Variants in THAP5 observed in about 807,000 individuals in gnomAD.
The protein encoded by THAP5 is THAP domain-containing protein 5.
Under a neutral mutation model 34.0 loss-of-function variants are expected in THAP5, and 26 were observed. The observed-to-expected ratio is 0.77, with a 90% CI of 0.56 to 1.06. THAP5 has a LOEUF of 1.06. Among genes scored for constraint, THAP5 ranks in the 50% least tolerant of loss-of-function variants. The pLI, the probability that THAP5 is intolerant of heterozygous loss-of-function variation, is 0.00. For missense variants in THAP5, 394 were observed against 452.8 expected (o/e 0.87, Z 1.18); for synonymous variants, 125 against 153.0 (o/e 0.82, Z 1.35).
At chr7:108,566,858 A>G (rs1790497727) in intron 1 of THAP5, among the ~76,000 whole-genome samples, 1 of 152,222 alleles carries the variant, frequency 6.6e-6, no homozygotes, top group South Asian at 2.1e-4. Context: ...TTTTCCTATC[A>G]ATCTAAAAAG....
At chr7:108,555,707 T>C (rs1246633453) in intron 1 of THAP5, among the ~76,000 whole-genome samples, 20 of 149,200 alleles carry the variant, frequency 1.3e-4, no homozygotes, top group Non-Finnish European at 2.4e-4. Context: ...TTTTTCTTTT[T>C]TTTTTTTTTT....
At chr7:108,556,645 C>G (rs1864387778) in intron 1 of THAP5, among the ~76,000 whole-genome samples, 1 of 152,222 alleles carries the variant, frequency 6.6e-6, no homozygotes, top group Non-Finnish European at 1.5e-5. Context: ...CCCTGTGACT[C>G]TACAGGGTAA....
At chr7:108,549,585 A>G (rs778572967), downstream of THAP5, among the ~76,000 whole-genome samples, 1 of 152,190 alleles carries the variant, frequency 6.6e-6, no homozygotes, top group Non-Finnish European at 1.5e-5. Context: ...TATCTTCCCA[A>G]TATACATTGT....
intron 1 of THAP5, among the ~76,000 whole-genome samples, chr7:108,566,318 A>G (rs1004913370): frequency 1.3e-5 from 2 of 152,134 alleles, no homozygotes; most frequent in Admixed American, 6.5e-5. Context: ...GACAAAATCT[A>G]TTTGTATTTT....
At chr7:108,541,994 G>C in the THAP5 span, among the ~76,000 whole-genome samples, 1 of 152,126 alleles carries the variant, frequency 6.6e-6, no homozygotes, top group Admixed American at 6.5e-5. Context: ...TAATCTGACA[G>C]TCCTGTTCAT....
chr7:108,558,381 G>GTATATATATATATATATATA (rs66806128), downstream of THAP5, among the ~76,000 whole-genome samples: 75 of 93,806 alleles, frequency 8.0e-4, no homozygotes, highest in African/African-American at 1.6e-3. Flanking sequence ...GTGTGTGTAT[G>GTATATATATATATATATATA]TATATATATA....
At chr7:108,544,530 CA>C in the THAP5 span, among the ~76,000 whole-genome samples, 9 of 135,598 alleles carry the variant, frequency 6.6e-5, no homozygotes, top group African/African-American at 8.2e-5. Flanking sequence ...GACTCCATCT[CA>C]AAAAAAAAAC....
At chr7:108,552,245 T>C (rs1300453121), downstream of THAP5, among the ~76,000 whole-genome samples, 1 of 152,202 alleles carries the variant, frequency 6.6e-6, no homozygotes, top group Admixed American at 6.5e-5. Context: ...CGCTTCTTAA[T>C]AAACTTTAAC....
At position 108,562,580 on chromosome 7, in the gene THAP5, G is replaced by A. The variant is rs1385663854; in HGVS notation, c.*1611C>T. 6.6e-6 allele frequency: 1 copy of A among 152,128 alleles called. No individual in the cohort carries two copies. The highest frequency in any genetic ancestry group is 2.4e-5 in the African/African-American group (1 of 41,424). The allele number at this position is 152,128 out of a possible 1,614,324, so 9.4% of individuals were successfully genotyped here. A position where few individuals can be genotyped will look rare whatever the true frequency, so the allele number is the denominator to read the frequency against. Reference sequence around the variant, plus strand: ...ATATTCCAGAACCAAAAACATGTTTGTTCCTTACAAAATTCTCAAAGCCAC... The same window carrying A: ...ATATTCCAGAACCAAAAACATGTTTATTCCTTACAAAATTCTCAAAGCCAC... On this transcript the variant is annotated 3_prime_UTR_variant, in exon 3 of 3. Coordinates refer to ENST00000415914, the MANE Select transcript of THAP5 (RefSeq NM_001130475.3).
Position 108,564,496 on chromosome 7 carries a change from T to C in THAP5, c.883A>G (p.Thr295Ala). 6.2e-7 allele frequency: 1 copy of C among 1,613,984 alleles called. No individual in the cohort carries two copies. Among genetic ancestry groups the C allele is most frequent in the Non-Finnish European group, 8.5e-7 (1 of 1,179,934 alleles). Residue 295 changes from threonine to alanine, a missense_variant, in exon 3 of 3, where the codon ACC becomes GCC. Transcript: ENST00000415914. Reference sequence around the variant, plus strand: ...ATGTCTGTGTCTTCCATTTCCGTGGTTTCTTTTTGTGCAGATATAAAAGAA... The same window carrying C: ...ATGTCTGTGTCTTCCATTTCCGTGGCTTCTTTTTGTGCAGATATAAAAGAA... Reference protein sequence around the residue: ...VNSFISAQKETTEMEDTDIED... With the variant: ...VNSFISAQKEATEMEDTDIED...
downstream of THAP5, among the ~76,000 whole-genome samples, chr7:108,554,340 AG>A (rs1292056015): frequency 3.9e-5 from 6 of 152,196 alleles, no homozygotes; most frequent in African/African-American, 1.4e-4. Context: ...CAAAAAGGAT[AG>A]AAAGTCTTCA....
At chr7:108,546,945 G>A in the THAP5 span, among the ~76,000 whole-genome samples, 1 of 152,092 alleles carries the variant, frequency 6.6e-6, no homozygotes, top group East Asian at 1.9e-4. Context: ...CTATATTAAG[G>A]AACATTGTTT....
At chr7:108,546,451 G>A in the THAP5 span, among the ~76,000 whole-genome samples, 2 of 152,174 alleles carry the variant, frequency 1.3e-5, no homozygotes, top group South Asian at 2.1e-4. Flanking sequence ...GTGATACATA[G>A]GACCCTTACC....
At chr7:108,558,481 T>C (rs1440495123), downstream of THAP5, among the ~76,000 whole-genome samples, 1 of 147,988 alleles carries the variant, frequency 6.8e-6, no homozygotes, top group East Asian at 2.0e-4. Flanking sequence ...CAGTGCAACC[T>C]CCGCCTCCTG....
chr7:108,567,697 T>C (rs544378249), intron 1 of THAP5, among the ~76,000 whole-genome samples: 4 of 152,348 alleles, frequency 2.6e-5, no homozygotes, highest in Admixed American at 1.3e-4. Flanking sequence ...CCCAAATTCA[T>C]ATACATTTAA....
downstream of THAP5, among the ~76,000 whole-genome samples, chr7:108,553,426 C>T (rs775145652): frequency 1.3e-5 from 2 of 152,152 alleles, no homozygotes; most frequent in South Asian, 2.1e-4. Flanking sequence ...CCAGCATAAC[C>T]GTAATTGCAC....
chr7:108,566,338 A>G (rs1188165594), intron 1 of THAP5, among the ~76,000 whole-genome samples: 2 of 152,206 alleles, frequency 1.3e-5, no homozygotes, highest in Non-Finnish European at 2.9e-5. Context: ...TCTATGGATT[A>G]TGTTCCATTT....
downstream of THAP5, among the ~76,000 whole-genome samples, chr7:108,560,891 C>T (rs1864423392): frequency 6.6e-6 from 1 of 152,170 alleles, no homozygotes; most frequent in African/African-American, 2.4e-5. Context: ...GCACCGACTA[C>T]CATGCCGAGC....
upstream of THAP5, chr7:108,569,768 T>A: frequency 3.0e-6 from 2 of 676,612 alleles, no homozygotes; most frequent in Non-Finnish European, 5.0e-6. Context: ...AAGCCGGAAG[T>A]GGCGCACAGC....
Sources: allele counts gnomAD v4.1 joint callset (sites outside exome capture counted in the v4.1 genomes callset), GRCh38; gene constraint gnomAD v4.1.1; transcripts MANE v1.5; gene names NCBI Gene and HGNC (gene_info 2026-07-23, HGNC 2026-07-21).